The following OR3A3 variants were observed in gnomAD, a reference collection of about 807,000 sequenced individuals.
OR3A3 encodes the protein olfactory receptor 3A3.
For missense variants in OR3A3, 275 were observed against 391.4 expected (o/e 0.70, Z 2.51); for synonymous variants, 103 against 163.9 (o/e 0.63, Z 2.84).
At chr17:3,421,205 C>G (rs756226721) in exon 3 of OR3A3, 2 of 1,614,226 alleles carry the variant, frequency 1.2e-6, no homozygotes, top group South Asian at 1.1e-5. Context: ...GTAGCAGCAG[C>G]CTTCATGGCT....
At chr17:3,420,062 C>A (rs187584508) in intron 2 of OR3A3, among the ~76,000 whole-genome samples, 2 of 152,176 alleles carry the variant, frequency 1.3e-5, no homozygotes, top group East Asian at 3.9e-4. Context: ...CCACTGCGCC[C>A]GGGGAAAATT....
At chr17:3,414,134 C>T (rs1001963557) in intron 2 of OR3A3, among the ~76,000 whole-genome samples, 1 of 151,972 alleles carries the variant, frequency 6.6e-6, no homozygotes, top group African/African-American at 2.4e-5. Flanking sequence ...TGCAGTGGCG[C>T]AATTTCAGCT....
intron 2 of OR3A3, among the ~76,000 whole-genome samples, chr17:3,412,708 T>C (rs2072369142): frequency 1.3e-5 from 2 of 151,860 alleles, no homozygotes; most frequent in Admixed American, 6.6e-5. Context: ...TTAGTGGTTC[T>C]TCTACCCCTG....
intron 2 of OR3A3, among the ~76,000 whole-genome samples, chr17:3,412,517 G>A (rs1378893482): frequency 6.8e-6 from 1 of 148,030 alleles, no homozygotes; most frequent in Non-Finnish European, 1.5e-5. Context: ...TTCCAGAGCA[G>A]GGAGCTGTCA....
At chr17:3,420,422 T>C in intron 2 of OR3A3, 158 bp from the exon 3 acceptor site, 1 of 1,235,426 alleles carries the variant, frequency 8.1e-7, no homozygotes, top group Non-Finnish European at 1.1e-6. Flanking sequence ...GGTGGTGGCA[T>C]TCGGCATCTC....
exon 3 of OR3A3, chr17:3,421,800 C>G (rs1302707546): frequency 1.4e-5 from 5 of 359,160 alleles, no homozygotes; most frequent in African/African-American, 2.1e-5. Flanking sequence ...AAATCACATG[C>G]TATAAAGGTA....
At chr17:3,421,452 C>A (rs775956356) in exon 3 of OR3A3, 1 of 1,595,604 alleles carries the variant, frequency 6.3e-7, no homozygotes, top group Non-Finnish European at 8.6e-7. Context: ...CCATGCTGAA[C>A]CCACTTATCT....
intron 1 of OR3A3, among the ~76,000 whole-genome samples, 182 bp from the exon 2 acceptor site, chr17:3,411,796 C>T (rs1352140654): frequency 6.6e-6 from 1 of 152,202 alleles, no homozygotes; most frequent in African/African-American, 2.4e-5. Flanking sequence ...CTCAGTGACC[C>T]ACATTAAGCA....
exon 3 of OR3A3, chr17:3,421,613 C>T (rs1431511683): frequency 6.8e-7 from 1 of 1,476,888 alleles, no homozygotes; most frequent in Non-Finnish European, 9.1e-7. Flanking sequence ...TTGTTTATAA[C>T]CATTATTTCT....
intron 2 of OR3A3, among the ~76,000 whole-genome samples, chr17:3,418,481 C>T (rs1048694785): frequency 4.6e-5 from 7 of 152,314 alleles, no homozygotes; most frequent in Middle Eastern, 3.4e-3. Context: ...ATCAGCTTGC[C>T]TGGGTGGCTT....
chr17:3,421,368 C>G, exon 3 of OR3A3: 1 of 1,614,172 alleles, frequency 6.2e-7, no homozygotes, highest in Non-Finnish European at 8.5e-7. Context: ...GTGTCTTCAG[C>G]TACATGAGGC....
At position 3,414,525 on chromosome 17, in the gene OR3A3, G is replaced by C. The variant is rs78004138; in HGVS notation, c.-7+2354G>C. 4.6e-5 allele frequency among the ~76,000 whole-genome samples: 7 copies of C among 152,310 alleles called. No homozygotes were observed. In the East Asian group the frequency reaches 1.3e-3, roughly 29 times the overall value. ...AAAACACGATGCAGGAAGGTAGTGT[G>C]AATTCTCCGAAACGATCTCAGGATT... On this transcript the variant is annotated intron_variant, in intron 2 of 2. Coordinates refer to ENST00000641141, the Ensembl canonical transcript of OR3A3.
intron 2 of OR3A3, among the ~76,000 whole-genome samples, chr17:3,419,547 T>C (rs561311128): frequency 7.7e-4 from 117 of 152,314 alleles, no homozygotes; most frequent in African/African-American, 2.7e-3. Context: ...AAATGAGTTG[T>C]TGAAGGGATG....
At chr17:3,414,175 G>A (rs549592586) in intron 2 of OR3A3, among the ~76,000 whole-genome samples, 31 of 152,226 alleles carry the variant, frequency 2.0e-4, no homozygotes, top group African/African-American at 6.7e-4. Context: ...GGGTTCAAGC[G>A]ATTCTCCTGC....
At chr17:3,421,216 G>A in exon 3 of OR3A3, 2 of 1,614,184 alleles carry the variant, frequency 1.2e-6, no homozygotes, top group Non-Finnish European at 1.7e-6. Context: ...CTTCATGGCT[G>A]TGGCACCCTT....
At chr17:3,420,058 C>A (rs775998405) in intron 2 of OR3A3, among the ~76,000 whole-genome samples, 3 of 152,108 alleles carry the variant, frequency 2.0e-5, no homozygotes, top group Non-Finnish European at 4.4e-5. Flanking sequence ...TGAGCCACTG[C>A]GCCCGGGGAA....
At chr17:3,413,668 C>T (rs966125868) in intron 2 of OR3A3, among the ~76,000 whole-genome samples, 9 of 151,794 alleles carry the variant, frequency 5.9e-5, no homozygotes, top group African/African-American at 2.2e-4. Context: ...CAAAAATTAG[C>T]CGGGCGTGGT....
chr17:3,419,846 G>A (rs542911444), intron 2 of OR3A3, among the ~76,000 whole-genome samples: 31 of 145,818 alleles, frequency 2.1e-4, no homozygotes, highest in African/African-American at 6.8e-4. Flanking sequence ...CCATTCTCCC[G>A]CCTCAGCCTC....
Position 3,418,849 on chromosome 17 carries a change from AT to A in OR3A3, c.-6-1724del, listed in dbSNP as rs1172630298. Among the ~76,000 whole-genome samples the A allele has an allele frequency of 6.6e-5, 10 of 152,262 alleles. No individual in the cohort carries two copies. The South Asian group carries it at 1.9e-3, about 28-fold the overall frequency. The stretch of plus-strand genomic sequence containing the variant: ...GTCTCTAGTCAATAAAGACATTGAT[AT>A]TTTTTTGATTCAGAGTTTGACATAA... On this transcript the variant is annotated intron_variant, in intron 2 of 2. Coordinates refer to ENST00000641141, the Ensembl canonical transcript of OR3A3.
Sources: allele counts gnomAD v4.1 joint callset (sites outside exome capture counted in the v4.1 genomes callset), GRCh38; gene constraint gnomAD v4.1.1; transcripts MANE v1.5; gene names NCBI Gene and HGNC (gene_info 2026-07-23, HGNC 2026-07-21).